CYB5B: variants seen among roughly 807,000 people sequenced by gnomAD.
CYB5B encodes the protein cytochrome b5 type B, also known as cytochrome b5 type B (outer mitochondrial membrane).
CYB5B carries 14 observed loss-of-function variants against 21.3 expected under a neutral mutation model. The ratio of observed to expected loss-of-function variants is 0.66; its 90% CI spans 0.43 to 1.03. The LOEUF is 1.03. Among genes scored for constraint, CYB5B ranks in the 50% least tolerant of loss-of-function variants. The pLI, the probability that CYB5B is intolerant of heterozygous loss-of-function variation, is 0.00. For missense variants in CYB5B, 166 were observed against 185.1 expected (o/e 0.90, Z 0.60); for synonymous variants, 69 against 68.4 (o/e 1.01, Z -0.04).
rs144481521 is a variant in CYB5B, at chr16:69,444,353, G to A, written c.175-2797G>A. 138 of 152,586 alleles carry A rather than the reference G, an allele frequency of 9.0e-4. 1 individual carries two copies. The highest frequency in any genetic ancestry group is 3.1e-3 in the African/African-American group (130 of 41,516). The allele number at this position is 152,586 out of a possible 1,614,324, so 9.5% of individuals were successfully genotyped here. A position where few individuals can be genotyped will look rare whatever the true frequency, so the allele number is the denominator to read the frequency against. On this transcript the variant is annotated intron_variant, in intron 1 of 4. Transcript: ENST00000307892. ...GGGTGCCGGGGCTCTTTGGGTTTTC[G>A]TCGAGGCCTTCGTATGCTCCTCAGC...
chr16:69,429,370 C>G (rs2014681316), intron 1 of CYB5B, among the ~76,000 whole-genome samples: 1 of 152,130 alleles, frequency 6.6e-6, no homozygotes, highest in Non-Finnish European at 1.5e-5. Context: ...GCTGATTGGT[C>G]CATTTTACAG....
chr16:69,457,998 A>G lies in CYB5B; in HGVS notation c.334-1095A>G, dbSNP rs929465554. On this transcript the variant is annotated intron_variant, in intron 3 of 4. Coordinates refer to ENST00000307892, the MANE Select transcript of CYB5B (RefSeq NM_030579.3). ...TACTTCTACATTTTGCAAAGATGGT[A>G]TTTTGGGCAGCAGCAACCTATGCTA... Among the ~76,000 whole-genome samples the G allele has an allele frequency of 4.6e-5, 7 of 152,174 alleles. No homozygotes were observed. The South Asian group carries it at 8.3e-4, about 18-fold the overall frequency.
At chr16:69,435,926 C>G (rs1370178726) in intron 1 of CYB5B, among the ~76,000 whole-genome samples, 1 of 152,214 alleles carries the variant, frequency 6.6e-6, no homozygotes, top group Non-Finnish European at 1.5e-5. Context: ...AAGCGAGCCA[C>G]TGTGCCTGGC....
chr16:69,461,724 C>T (rs946120155), intron 4 of CYB5B, among the ~76,000 whole-genome samples: 2 of 152,148 alleles, frequency 1.3e-5, no homozygotes, highest in African/African-American at 4.8e-5. Context: ...ATTTGCTTCA[C>T]CCTGTTAGAA....
intron 3 of CYB5B, among the ~76,000 whole-genome samples, chr16:69,455,484 T>C (rs1451589082): frequency 6.7e-6 from 1 of 148,984 alleles, no homozygotes; most frequent in Non-Finnish European, 1.5e-5. Context: ...CTCGGCTCAC[T>C]GCAACCTCTG....
intron 1 of CYB5B, 73 bp from the exon 2 acceptor site, chr16:69,447,077 G>C (rs1271334477): frequency 3.3e-6 from 5 of 1,528,874 alleles, no homozygotes; most frequent in Non-Finnish European, 4.4e-6. Flanking sequence ...AAGGAAGAAG[G>C]GGGTATGGGA....
At chr16:69,436,848 C>A (rs2014765167) in intron 1 of CYB5B, among the ~76,000 whole-genome samples, 1 of 152,148 alleles carries the variant, frequency 6.6e-6, no homozygotes, top group Non-Finnish European at 1.5e-5. Context: ...TCTGTAACTG[C>A]CATTCTTCAC....
chr16:69,458,432 C>T (rs1294241433), intron 3 of CYB5B, among the ~76,000 whole-genome samples: 1 of 152,190 alleles, frequency 6.6e-6, no homozygotes, highest in Non-Finnish European at 1.5e-5. Flanking sequence ...CTTTCTTTCA[C>T]TTAGGATAAT....
At chr16:69,450,351 C>T (rs2014920754) in intron 3 of CYB5B, 1 of 152,052 alleles carries the variant, frequency 6.6e-6, no homozygotes, top group Non-Finnish European at 1.5e-5. Context: ...TAGTTTAGCC[C>T]CTATCTGGGT....
intron 1 of CYB5B, among the ~76,000 whole-genome samples, chr16:69,430,447 CG>C (rs1431525378): frequency 6.6e-6 from 1 of 152,008 alleles, no homozygotes. Context: ...CCTCAAACTC[CG>C]GGCTCAAGTG....
intron 1 of CYB5B, among the ~76,000 whole-genome samples, chr16:69,443,011 C>T (rs759892914): frequency 5.3e-5 from 8 of 151,954 alleles, no homozygotes; most frequent in South Asian, 4.2e-4. Flanking sequence ...TGCAGTGGTG[C>T]GATTGTGGCT....
chr16:69,425,088 T>C (rs894541977), intron 1 of CYB5B, among the ~76,000 whole-genome samples: 1 of 152,228 alleles, frequency 6.6e-6, no homozygotes, highest in African/African-American at 2.4e-5. Context: ...GTATTACTTA[T>C]GTGTCGAGCA....
chr16:69,462,120 G>A (rs2015040756), intron 4 of CYB5B, among the ~76,000 whole-genome samples: 1 of 152,176 alleles, frequency 6.6e-6, no homozygotes, highest in Non-Finnish European at 1.5e-5. Context: ...TGAAGAAAAT[G>A]TGAGAGTATC....
intron 1 of CYB5B, among the ~76,000 whole-genome samples, chr16:69,445,874 T>C (rs2014872623): frequency 6.6e-6 from 1 of 152,168 alleles, no homozygotes; most frequent in South Asian, 2.1e-4. Flanking sequence ...GAGAATCGCT[T>C]GAACCCGGGT....
intron 1 of CYB5B, among the ~76,000 whole-genome samples, chr16:69,440,846 A>G (rs1453285734): frequency 1.3e-5 from 2 of 149,972 alleles, no homozygotes; most frequent in African/African-American, 4.9e-5. Context: ...TTTTAAAGAG[A>G]TAGTGTCTCA....
chr16:69,443,042 G>A (rs961394186), intron 1 of CYB5B, among the ~76,000 whole-genome samples: 6 of 151,918 alleles, frequency 3.9e-5, no homozygotes, highest in Admixed American at 1.3e-4. Context: ...TTCGCCTCCC[G>A]GGTTCAAGTG....
intron 3 of CYB5B, among the ~76,000 whole-genome samples, chr16:69,455,276 A>G (rs915073416): frequency 6.6e-6 from 1 of 152,032 alleles, no homozygotes; most frequent in Non-Finnish European, 1.5e-5. Flanking sequence ...AGTACACTCC[A>G]TTCCTTAAGT....
At chr16:69,440,012 A>T (rs2014803265) in intron 1 of CYB5B, among the ~76,000 whole-genome samples, 1 of 151,966 alleles carries the variant, frequency 6.6e-6, no homozygotes, top group Non-Finnish European at 1.5e-5. Context: ...GGGACTACAG[A>T]TGTGCACCAC....
rs2142831203 is a variant in CYB5B, at chr16:69,465,158, G to C, written c.*2638G>C. 6.5e-6 allele frequency: 1 copy of C among 154,970 alleles called. No individual in the cohort carries two copies. The highest frequency in any genetic ancestry group is 2.4e-5 in the African/African-American group (1 of 41,618). The allele number at this position is 154,970 out of a possible 1,614,324, so 9.6% of individuals were successfully genotyped here. A position where few individuals can be genotyped will look rare whatever the true frequency, so the allele number is the denominator to read the frequency against. On this transcript the variant is annotated 3_prime_UTR_variant, in exon 5 of 5. Coordinates refer to ENST00000307892, the MANE Select transcript of CYB5B (RefSeq NM_030579.3). ...TGGCTGACAGTGCCACCTGGAGCTG[G>C]TCTCTGGGGTGTTCGGTTGTTTATT... is the stretch of plus-strand genomic sequence containing the variant.
Sources: gnomAD v4.1 joint callset for allele counts (sites outside exome capture counted in the v4.1 genomes callset) on GRCh38, gnomAD v4.1.1 for gene constraint, MANE v1.5 for transcripts, NCBI Gene and HGNC (gene_info 2026-07-23, HGNC 2026-07-21) for gene names.